The following LINC00632 variants were observed in gnomAD, a reference collection of about 807,000 sequenced individuals.
LINC00632 encodes the protein long independently transcribed non-coding RNA 632.
chrX:140,767,987 G>A (rs1436867970), intron 3 of LINC00632, among the ~76,000 whole-genome samples: 3 of 111,554 alleles, frequency 2.7e-5, no homozygotes, highest in Non-Finnish European at 3.8e-5. Flanking sequence ...TGGCAATTAC[G>A]TTTCAACATG....
chrX:140,774,401 A>G (rs1000339041), intron 4 of LINC00632, among the ~76,000 whole-genome samples: 1 of 111,795 alleles, frequency 8.9e-6, no homozygotes, highest in Admixed American at 9.5e-5. Flanking sequence ...CTTACTTGAC[A>G]GGGGAGAAGA....
chrX:140,772,567 G>A (rs1399056966), exon 4 of LINC00632: 4 of 271,919 alleles, frequency 1.5e-5, no homozygotes, highest in Non-Finnish European at 2.6e-5. Flanking sequence ...TGTTAATAGC[G>A]AACACAATGA....
intron 2 of LINC00632, among the ~76,000 whole-genome samples, chrX:140,722,375 A>T (rs917413895): frequency 9.1e-6 from 1 of 109,609 alleles, no homozygotes; most frequent in Non-Finnish European, 1.9e-5. Context: ...AAAAAAAAAA[A>T]AAAACAACCT....
chrX:140,780,853 C>G (rs5954091), exon 5 of LINC00632, among the ~76,000 whole-genome samples: 7,372 of 110,769 alleles, frequency 0.067, 219 homozygotes, highest in Admixed American at 0.12. Context: ...TGCCTTAATT[C>G]TAGCCCCCAC....
At chrX:140,710,031 CT>C (rs754881138) in intron 1 of LINC00632, among the ~76,000 whole-genome samples, 12 of 112,076 alleles carry the variant, frequency 1.1e-4, no homozygotes, top group Non-Finnish European at 2.3e-4. Context: ...AATATAGAAA[CT>C]TTCCCCTTGT....
exon 5 of LINC00632, among the ~76,000 whole-genome samples, chrX:140,785,075 T>A (rs1362741909): frequency 9.0e-6 from 1 of 110,821 alleles, no homozygotes; most frequent in African/African-American, 3.3e-5. Context: ...GAAAAATTCC[T>A]GTTTAAGACT....
At chrX:140,790,687 C>T (rs1932095584) in exon 5 of LINC00632, among the ~76,000 whole-genome samples, 1 of 110,916 alleles carries the variant, frequency 9.0e-6, no homozygotes, top group African/African-American at 3.3e-5. Context: ...AGGGATCTGT[C>T]TCAATTTATT....
exon 5 of LINC00632, among the ~76,000 whole-genome samples, chrX:140,787,774 T>A (rs1231215673): frequency 2.7e-5 from 3 of 111,029 alleles, no homozygotes; most frequent in African/African-American, 9.8e-5. Context: ...TCATAAGGTA[T>A]CATCAGTGAG....
chrX:140,779,182 T>C (rs1254200884), exon 5 of LINC00632, among the ~76,000 whole-genome samples: 3 of 110,789 alleles, frequency 2.7e-5, no homozygotes, highest in Non-Finnish European at 5.7e-5. Context: ...CTTGGGTAAA[T>C]TCTTGAGCTC....
At chrX:140,723,655 C>T (rs1602734849) in intron 2 of LINC00632, among the ~76,000 whole-genome samples, 1 of 91,621 alleles carries the variant, frequency 1.1e-5, no homozygotes, top group Non-Finnish European at 2.2e-5. Flanking sequence ...CATACACACA[C>T]ACATTCCATA....
chrX:140,790,611 T>G (rs1368296083), exon 5 of LINC00632, among the ~76,000 whole-genome samples: 1 of 111,322 alleles, frequency 9.0e-6, no homozygotes, highest in Non-Finnish European at 1.9e-5. Context: ...TGGAAATGCT[T>G]CAGACCTTTG....
At chrX:140,772,321 C>A in exon 4 of LINC00632, 1 of 296,791 alleles carries the variant, frequency 3.4e-6, no homozygotes, top group East Asian at 4.8e-5. Flanking sequence ...GTTGCCTCTG[C>A]AGCCATTGAT....
intron 2 of LINC00632, among the ~76,000 whole-genome samples, chrX:140,732,494 G>A (rs777956835): frequency 2.7e-5 from 3 of 111,550 alleles, no homozygotes; most frequent in East Asian, 2.8e-4. Context: ...GCACCCTCAC[G>A]TGTCAACATA....
intron 3 of LINC00632, among the ~76,000 whole-genome samples, chrX:140,765,273 A>G (rs1033683771): frequency 2.7e-5 from 3 of 110,709 alleles, no homozygotes; most frequent in East Asian, 2.9e-4. Flanking sequence ...ACTGAGCCTC[A>G]AGTAGCGCAG....
chrX:140,725,607 C>G (rs1202494429), intron 2 of LINC00632, among the ~76,000 whole-genome samples: 1 of 111,905 alleles, frequency 8.9e-6, no homozygotes, highest in Non-Finnish European at 1.9e-5. Context: ...AAACTTGACT[C>G]ACAACACACA....
In LINC00632 at chrX:140,758,876, A is replaced by G. The variant is rs190950964; in HGVS notation, n.192-13202A>G. ...AGCCTGGTAAGCTCACAGCCATTCT[A>G]TCACACACAACTCACCTCAGCCTAG... On this transcript the variant is annotated intron_variant and non_coding_transcript_variant, in intron 3 of 4. Coordinates refer to ENST00000648200, the Ensembl canonical transcript of LINC00632. Among the ~76,000 whole-genome samples, 522 of 110,690 alleles carry G rather than the reference A, an allele frequency of 4.7e-3. 4 individuals are homozygous for G. Among genetic ancestry groups the G allele is most frequent in the Non-Finnish European group, 7.4e-3 (390 of 52,883 alleles).
chrX:140,719,321 T>C (rs772703504), intron 2 of LINC00632, among the ~76,000 whole-genome samples: 2 of 109,970 alleles, frequency 1.8e-5, no homozygotes, highest in South Asian at 4.1e-4. Flanking sequence ...TTCTTTGAGA[T>C]GGAGTCTTAC....
intron 3 of LINC00632, among the ~76,000 whole-genome samples, chrX:140,761,959 C>T (rs752176204): frequency 2.2e-4 from 24 of 111,238 alleles, no homozygotes; most frequent in Middle Eastern, 9.2e-3. Flanking sequence ...CAGAGCATGA[C>T]GTTTGGTTCG....
At chrX:140,790,724 T>C (rs1932096105) in exon 5 of LINC00632, among the ~76,000 whole-genome samples, 1 of 111,449 alleles carries the variant, frequency 9.0e-6, no homozygotes, top group Admixed American at 9.6e-5. Context: ...TCCATTTAGA[T>C]ATTAAAAGAA....
Sources: allele counts gnomAD v4.1 joint callset (sites outside exome capture counted in the v4.1 genomes callset), GRCh38; gene constraint gnomAD v4.1.1; transcripts MANE v1.5; gene names NCBI Gene and HGNC (gene_info 2026-07-23, HGNC 2026-07-21).